GBP3: variants seen among roughly 807,000 people sequenced by gnomAD.
GBP3 encodes guanylate binding protein 3.
A neutral mutation model predicts 62.4 loss-of-function variants in GBP3; 55 were observed. The observed-to-expected ratio is 0.88, with a 90% CI of 0.71 to 1.10. The LOEUF (loss-of-function observed/expected upper bound fraction) is 1.10. Ranked by LOEUF, GBP3 falls within the 50% of genes least tolerant of loss-of-function variation. The probability of loss-of-function intolerance (pLI) is 0.00; values close to 1 mark genes in which losing one functional copy is unlikely to be tolerated. For missense variants in GBP3, 605 were observed against 690.6 expected (o/e 0.88, Z 1.39); for synonymous variants, 208 against 259.2 (o/e 0.80, Z 1.90).
chr1:89,019,240 A>T (rs1239413165), intron 2 of GBP3, among the ~76,000 whole-genome samples: 2 of 152,244 alleles, frequency 1.3e-5, no homozygotes, highest in Non-Finnish European at 2.9e-5. Context: ...GCGAACAGAT[A>T]AATTAGTATA....
In GBP3 at chr1:89,008,324, T is replaced by C. The variant is rs753408392; in HGVS notation, c.1660-472A>G. Among the ~76,000 whole-genome samples, 14 of 151,296 alleles carry C rather than the reference T, an allele frequency of 9.3e-5. 1 individual carries two copies. Among genetic ancestry groups the C allele is most frequent in the Admixed American group, 8.6e-4 (13 of 15,134 alleles). On this transcript the variant is annotated intron_variant, in intron 10 of 10. Coordinates refer to ENST00000370481, the MANE Select transcript of GBP3 (RefSeq NM_018284.3). ...CCCTGTTGGCAGGGGTAGCAGAAGA[T>C]AGGCAAGGAAATCCGAGTGCCAGAC... is the stretch of plus-strand genomic sequence containing the variant.
chr1:89,007,840 C>T lies in GBP3; in HGVS notation c.1672G>A (p.Val558Ile), dbSNP rs776048245. The T allele has an allele frequency of 1.2e-6, 2 of 1,612,788 alleles. No homozygotes were observed. The highest frequency in any genetic ancestry group is 2.2e-5 in the East Asian group (1 of 44,824). ...TCACCTTGGCATCTCTCCTTTAGTACTCGGGCCTGTTCCTAAAAAGGGACA... is the reference window on the plus strand; with the variant it reads ...TCACCTTGGCATCTCTCCTTTAGTATTCGGGCCTGTTCCTAAAAAGGGACA... ...LTSKLQEQARVLKERCQGEST... is the reference protein window; with the variant it reads ...LTSKLQEQARILKERCQGEST... The change falls in exon 11 of 11, where the codon GTA becomes ATA. Residue 558 changes from valine (V) to isoleucine (I), a missense_variant. By Grantham distance (29) the Val-to-Ile change is conservative. Coordinates refer to ENST00000370481, the MANE Select transcript of GBP3 (RefSeq NM_018284.3).
In GBP3 at chr1:89,021,510, G is replaced by GCGCGCACACACACA. The variant is rs751639388; in HGVS notation, c.-22-768_-22-767insTGTGTGTGTGCGCG. On this transcript the variant is annotated intron_variant, in intron 1 of 10. Transcript: ENST00000370481. ...CTAAGAAACACGCATGCGCGCGCGCGCACACACACACACACACACACACAC... is the reference window on the plus strand; with the variant it reads ...CTAAGAAACACGCATGCGCGCGCGCGCGCGCACACACACACACACACACACACACACACACACAC... Among the ~76,000 whole-genome samples the GCGCGCACACACACA allele has an allele frequency of 2.3e-3, 306 of 131,718 alleles. 1 individual carries two copies. Among genetic ancestry groups the GCGCGCACACACACA allele is most frequent in the African/African-American group, 5.6e-3 (186 of 33,286 alleles). 86.4% of individuals were successfully genotyped at this position (131,718 alleles called of 152,430 possible). A position where few individuals can be genotyped will look rare whatever the true frequency, so the allele number is the denominator to read the frequency against.
intron 1 of GBP3, among the ~76,000 whole-genome samples, chr1:89,021,544 A>ACACACACCCC (rs761151308): frequency 0.018 from 2,555 of 140,908 alleles, 39 homozygotes; most frequent in Middle Eastern, 0.035. Flanking sequence ...ACACACACAC[A>ACACACACCCC]CCCCAAAAAA....
At chr1:89,015,177 A>G in intron 3 of GBP3, 110 bp downstream of exon 3, 1 of 1,168,528 alleles carries the variant, frequency 8.6e-7, no homozygotes, top group Admixed American at 2.5e-5. Context: ...CACAGAAATG[A>G]AAAGACAAAT....
chr1:89,021,792 A>AGAGAGG (rs1297721081), intron 1 of GBP3, among the ~76,000 whole-genome samples: 1 of 112,936 alleles, frequency 8.9e-6, no homozygotes, highest in African/African-American at 5.3e-5. Context: ...GAAAGATGAG[A>AGAGAGG]GAGAGAGAGA....
chr1:89,013,107 G>A (rs1313403881), intron 6 of GBP3, 78 bp downstream of exon 6: 2 of 1,496,364 alleles, frequency 1.3e-6, no homozygotes, highest in African/African-American at 2.8e-5. Context: ...CAAAGTGCTG[G>A]GATTACAGGC....
intron 2 of GBP3, among the ~76,000 whole-genome samples, chr1:89,015,847 A>G (rs1365026131): frequency 6.6e-6 from 1 of 152,056 alleles, no homozygotes; most frequent in Admixed American, 6.6e-5. Flanking sequence ...TTCATACTCA[A>G]TGGTGAAGAC....
intron 6 of GBP3, among the ~76,000 whole-genome samples, chr1:89,012,651 T>G (rs908134180): frequency 1.4e-5 from 2 of 138,858 alleles, no homozygotes; most frequent in Non-Finnish European, 3.3e-5. Flanking sequence ...GTGGCTACTG[T>G]ACTGTACAGT....
intron 8 of GBP3, 77 bp from the exon 9 acceptor site, chr1:89,009,571 T>C: frequency 6.3e-7 from 1 of 1,585,972 alleles, no homozygotes; most frequent in Admixed American, 1.8e-5. Flanking sequence ...GCCCACCATC[T>C]TTTCTTCTGA....
intron 4 of GBP3, 73 bp from the exon 5 acceptor site, chr1:89,014,352 A>C (rs578249448): frequency 6.2e-7 from 1 of 1,609,030 alleles, no homozygotes; most frequent in Admixed American, 1.7e-5. Flanking sequence ...CACATTCCCA[A>C]ACCTTCCATT....
Position 89,020,743 on chromosome 1 carries a change from T to C in GBP3, c.-22A>G. 1 of 1,605,652 alleles carries C rather than the reference T, an allele frequency of 6.2e-7. No individual in the cohort carries two copies. The highest frequency in any genetic ancestry group is 8.5e-7 in the Non-Finnish European group (1 of 1,173,408). ...CCATGTCCAGGGCATTGTTCTCTTG[T>C]CTGCAAGGGAAGAGTTGGAATGAAT... On this transcript the variant is annotated splice_region_variant and 5_prime_UTR_variant, in exon 2 of 11. Transcript: ENST00000370481.
At chr1:89,015,976 T>C (rs1570901028) in intron 2 of GBP3, among the ~76,000 whole-genome samples, 1 of 152,104 alleles carries the variant, frequency 6.6e-6, no homozygotes, top group African/African-American at 2.4e-5. Flanking sequence ...ACAGAAAGCA[T>C]CTAAATTGGA....
intron 6 of GBP3, among the ~76,000 whole-genome samples, chr1:89,012,490 A>G (rs1678624944): frequency 7.2e-6 from 1 of 139,264 alleles, no homozygotes; most frequent in Admixed American, 7.4e-5. Flanking sequence ...ACTTTCTGTA[A>G]TGGTGGAAGT....
chr1:89,015,355 G>A lies in GBP3; in HGVS notation c.250C>T (p.Pro84Ser), dbSNP rs1454541056. The change falls in exon 3 of 11, where the codon CCT (proline) becomes TCT (serine). Residue 84 changes from proline (P) to serine (S), a missense_variant. Physicochemically the swap from Pro to Ser is moderately conservative, Grantham distance 74. Around this residue, in one of 3 missense-constraint regions of GBP3, gnomAD observed 308 missense variants for 318.0 expected, o/e 0.97. Coordinates refer to ENST00000370481, the MANE Select transcript of GBP3 (RefSeq NM_018284.3). ...GTGTGTTCTGGCTTTTTGGGGTGAG[G>A]CACACACCACATCCAGATTCCTTTG... ...HTKGIWMWCV[P>S]HPKKPEHTLV... 1.9e-6 allele frequency: 3 copies of A among 1,612,682 alleles called. No homozygotes were observed. The highest frequency in any genetic ancestry group is 8.5e-7 in the Non-Finnish European group (1 of 1,179,140).
At position 89,014,078 on chromosome 1, in the gene GBP3, G is replaced by C. The variant is rs761594458; in HGVS notation, c.625+5C>G. 1.2e-6 allele frequency: 2 copies of C among 1,613,706 alleles called. No homozygotes were observed. Among genetic ancestry groups the C allele is most frequent in the South Asian group, 2.2e-5 (2 of 91,080 alleles). On this transcript the variant is annotated splice_donor_5th_base_variant and intron_variant, in intron 5 of 10. Coordinates refer to ENST00000370481, the MANE Select transcript of GBP3 (RefSeq NM_018284.3). ...CCTCATTTATCAATGGTACGTCTCT[G>C]TTACCTTGCGTTAGCTTCAGGGAAT... is the stretch of plus-strand genomic sequence containing the variant.
rs1329873740 is a variant in GBP3 at position 89,012,858 on chromosome 1, AT to A, written c.868+326del. ...TGGAGTTATTCTATGCTCCTTTCAT[AT>A]TTTTTTTTTCCTCTGTCACCCAGGC... On this transcript the variant is annotated intron_variant, in intron 6 of 10. Transcript: ENST00000370481. Among the ~76,000 whole-genome samples, 14 of 132,560 alleles carry A rather than the reference AT, an allele frequency of 1.1e-4. 2 individuals are homozygous for A. The highest frequency in any genetic ancestry group is 7.5e-4 in the South Asian group (3 of 4,022). The allele number at this position is 132,560 out of a possible 152,430, so 87.0% of individuals were successfully genotyped here.
chr1:89,013,185 G>A lies in GBP3; in HGVS notation c.868C>T (p.Arg290Cys), dbSNP rs113490655. 0.19 allele frequency: 300,859 copies of A among 1,609,992 alleles called. 29,870 individuals are homozygous for A. The highest frequency in any genetic ancestry group is 0.2 in the Non-Finnish European group (232,016 of 1,176,526). The change falls in exon 6 of 11, where the codon CGT becomes TGT. Residue 290 changes from arginine to cysteine, a missense_variant and splice_region_variant. This residue lies in a region of GBP3 where 137 missense variants were observed against 224.7 expected (regional missense o/e 0.61). Coordinates refer to ENST00000370481, the MANE Select transcript of GBP3 (RefSeq NM_018284.3). ...TGGAAGTACTACGAAGGGGACTTAC[G>A]AGGCCCATTGACCTTGATGCCTCCT... The part of the protein sequence containing the change: ...LSGGIKVNGP[R>C]LESLVLTYIN...
intron 1 of GBP3, 45 bp from the exon 2 acceptor site, chr1:89,020,788 CA>C: frequency 1.3e-6 from 2 of 1,545,240 alleles, no homozygotes; most frequent in Non-Finnish European, 1.8e-6. Context: ...CAGTCTTTTG[CA>C]TTTAGAGGAT....
Sources: allele counts gnomAD v4.1 joint callset (sites outside exome capture counted in the v4.1 genomes callset), GRCh38; gene constraint gnomAD v4.1.1; regional missense constraint gnomAD v4.1.1; transcripts MANE v1.5; gene names NCBI Gene and HGNC (gene_info 2026-07-23, HGNC 2026-07-21).